The following NEB variants were observed in gnomAD, a reference collection of about 807,000 sequenced individuals.
The protein encoded by NEB is nemaline myopathy type 2.
In NEB, 512 loss-of-function variants were observed where a neutral mutation model predicts 952.2. The observed-to-expected ratio is 0.54, with a 90% CI of 0.50 to 0.58. NEB has a LOEUF of 0.58. Ranked by LOEUF, NEB falls within the 20% of genes least tolerant of loss-of-function variation. The pLI, the probability that NEB is intolerant of heterozygous loss-of-function variation, is 0.00. For missense variants in NEB, 8,428 were observed against 9,231.1 expected (o/e 0.91, Z 3.56); for synonymous variants, 2,900 against 3,149.8 (o/e 0.92, Z 2.66).
intron 76 of NEB, 61 bp downstream of exon 76, chr2:151,615,940 TA>T: frequency 7.8e-7 from 1 of 1,287,046 alleles, no homozygotes; most frequent in Non-Finnish European, 1.1e-6. Flanking sequence ...AGAAAAACTC[TA>T]AAAGCTTCTA....
rs778982089 is a variant in NEB at position 151,567,424 on chromosome 2, G to A, written c.17900C>T (p.Thr5967Met). The A allele has an allele frequency of 8.5e-5, 137 of 1,613,372 alleles. No homozygotes were observed. The highest frequency in any genetic ancestry group is 1.1e-4 in the Non-Finnish European group (127 of 1,179,726). Residue 5967 changes from threonine to methionine, a missense_variant, in exon 114 of 182, where the codon ACG (threonine) becomes ATG (methionine). Thr to Met is a moderately conservative substitution (Grantham distance 81). Transcript: ENST00000397345. ...AACCAGCTTAGGATCATCTCTCATC[G>A]TCGGGACACCAACATAATGACCTTT... ...KQKGHYVGVP[T>M]MRDDPKLVWF...
chr2:151,527,077 T>C, intron 147 of NEB, 55 bp from the exon 148 acceptor site: 1 of 1,221,596 alleles, frequency 8.2e-7, no homozygotes, highest in Non-Finnish European at 1.2e-6. Flanking sequence ...AGGAGGAAGC[T>C]GGGCATTTGA....
intron 170 of NEB, chr2:151,498,025 T>A: frequency 6.9e-7 from 1 of 1,441,784 alleles, no homozygotes; most frequent in East Asian, 2.5e-5. Context: ...TCGGTGTTGT[T>A]ATCCACACAA....
At chr2:151,595,225 A>G (rs1169976639) in intron 92 of NEB, among the ~76,000 whole-genome samples, 1 of 138,562 alleles carries the variant, frequency 7.2e-6, no homozygotes, top group Non-Finnish European at 1.5e-5. Context: ...GGCAGGGTGC[A>G]CCTGGTAGCA....
In NEB at chr2:151,525,985, G is replaced by A. The variant is rs1468263173; in HGVS notation, c.22134C>T (p.Val7378=). 2 of 1,613,984 alleles carry A rather than the reference G, an allele frequency of 1.2e-6. No homozygotes were observed. Among genetic ancestry groups the A allele is most frequent in the African/African-American group, 2.7e-5 (2 of 75,056 alleles). ...TLPETRDTVH[V]KEVTKHVSDT... is the part of the protein sequence containing the mutation. Reference sequence around the variant, plus strand: ...CACTGACATGCTTGGTCACTTCCTTGACGTGAACAGTGTCCCGGGTCTCTG... The same window carrying A: ...CACTGACATGCTTGGTCACTTCCTTAACGTGAACAGTGTCCCGGGTCTCTG... Residue 7378 remains valine, a synonymous_variant, in exon 150 of 182, where the codon GTC becomes GTT. Transcript: ENST00000397345.
rs554104620 is a variant in NEB at position 151,633,525 on chromosome 2, TA to T, written c.9414+128del. 7.5e-4 allele frequency: 961 copies of T among 1,283,710 alleles called. 1 individual carries two copies. Among genetic ancestry groups the T allele is most frequent in the Non-Finnish European group, 8.9e-4 (851 of 958,608 alleles). 79.5% of individuals were successfully genotyped at this position (1,283,710 alleles called of 1,614,324 possible). A position where few individuals can be genotyped will look rare whatever the true frequency, so the allele number is the denominator to read the frequency against. The stretch of plus-strand genomic sequence containing the variant: ...TATTCATAATAAAGCAATAAAATTG[TA>T]TTCTGATTTAAATCTTATTCATGGA... On this transcript the variant is annotated intron_variant, in intron 65 of 181. Transcript: ENST00000397345.
intron 3 of NEB, among the ~76,000 whole-genome samples, chr2:151,730,496 G>T (rs2099803800): frequency 6.6e-6 from 1 of 151,710 alleles, no homozygotes; most frequent in African/African-American, 2.4e-5. Context: ...GATGTGTAAG[G>T]AGAGAGGAAT....
At position 151,625,583 on chromosome 2, in the gene NEB, T is replaced by A. The variant is rs2098507240; in HGVS notation, c.10403A>T (p.Asp3468Val). 6.2e-7 allele frequency: 1 copy of A among 1,606,780 alleles called. No individual in the cohort carries two copies. The highest frequency in any genetic ancestry group is 1.7e-5 in the Admixed American group (1 of 59,956). ...KDKTQVHIMP[D>V]TPEIMLARQN... ...TCTTGCCAACATGATTTCAGGTGTA[T>A]CAGGCATAATATGGACTTGGGTCTT... Residue 3468 changes from aspartate to valine, a missense_variant, in exon 71 of 182, where the codon GAT becomes GTT. Transcript: ENST00000397345.
At chr2:151,511,392 CTA>C (rs2074173994) in intron 161 of NEB, among the ~76,000 whole-genome samples, 1 of 152,196 alleles carries the variant, frequency 6.6e-6, no homozygotes, top group South Asian at 2.1e-4. Context: ...CAATATACAA[CTA>C]TATGTTTCCA....
At chr2:151,718,387 T>C (rs2099765159) in intron 9 of NEB, among the ~76,000 whole-genome samples, 1 of 152,166 alleles carries the variant, frequency 6.6e-6, no homozygotes, top group Admixed American at 6.5e-5. Context: ...TATGACCCTA[T>C]GGTATACTAA....
At chr2:151,652,736 T>C (rs2099044316) in intron 52 of NEB, among the ~76,000 whole-genome samples, 1 of 152,202 alleles carries the variant, frequency 6.6e-6, no homozygotes, top group Non-Finnish European at 1.5e-5. Flanking sequence ...TACATCTCTA[T>C]AATAGTGGGA....
At chr2:151,516,726 T>G (rs919954180) in intron 156 of NEB, among the ~76,000 whole-genome samples, 163 bp from the exon 157 acceptor site, 2 of 152,206 alleles carry the variant, frequency 1.3e-5, no homozygotes, top group Non-Finnish European at 2.9e-5. Context: ...ATTTTTGTTG[T>G]TGTCTAGGTG....
At chr2:151,499,541 G>C in intron 168 of NEB, 151 bp from the exon 169 acceptor site, 3 of 525,118 alleles carry the variant, frequency 5.7e-6, no homozygotes, top group Non-Finnish European at 1.0e-5. Context: ...ACAGATCTGG[G>C]TGAGAACATG....
intron 13 of NEB, among the ~76,000 whole-genome samples, chr2:151,702,906 CATT>C (rs2099681795): frequency 6.6e-6 from 1 of 151,920 alleles, no homozygotes; most frequent in Non-Finnish European, 1.5e-5. Context: ...TTGATCCTGT[CATT>C]ATGATGTTAG....
Position 151,612,433 on chromosome 2 carries a change from C to T in NEB, c.11602-44G>A, listed in dbSNP as rs374917107. 8.0e-5 allele frequency: 123 copies of T among 1,536,180 alleles called. No individual in the cohort carries two copies. In the African/African-American group the frequency reaches 9.0e-4, roughly 11 times the overall value. On this transcript the variant is annotated intron_variant, in intron 77 of 181. Coordinates refer to ENST00000397345, the MANE Select transcript of NEB (RefSeq NM_001164508.2). ...CAAATATTTATAGATGTCACCTAGA[C>T]GGCCTGGTGCCTGATCCTGATTTAA...
intron 74 of NEB, 98 bp downstream of exon 74, chr2:151,618,177 A>T: frequency 9.1e-7 from 1 of 1,094,220 alleles, no homozygotes; most frequent in Non-Finnish European, 1.4e-6. Flanking sequence ...AAGGTATCAT[A>T]ATGCTTATTA....
intron 13 of NEB, among the ~76,000 whole-genome samples, chr2:151,699,728 A>G: frequency 9.6e-6 from 1 of 103,856 alleles, no homozygotes; most frequent in African/African-American, 3.8e-5. Flanking sequence ...TTTTCTTGTA[A>G]ATTTGTTTGA....
intron 178 of NEB, 74 bp downstream of exon 178, chr2:151,492,024 G>C: frequency 6.9e-7 from 1 of 1,446,438 alleles, no homozygotes; most frequent in Non-Finnish European, 9.6e-7. Context: ...TTGACTTGAT[G>C]TAGGTAATGC....
At chr2:151,695,975 T>C (rs2099593498) in intron 17 of NEB, among the ~76,000 whole-genome samples, 1 of 152,206 alleles carries the variant, frequency 6.6e-6, no homozygotes, top group Non-Finnish European at 1.5e-5. Flanking sequence ...GCCCTGTCTC[T>C]CTTGTCACTG....
Sources: allele counts gnomAD v4.1 joint callset (sites outside exome capture counted in the v4.1 genomes callset), GRCh38; gene constraint gnomAD v4.1.1; transcripts MANE v1.5; gene names NCBI Gene and HGNC (gene_info 2026-07-23, HGNC 2026-07-21).